The following ZMYND12 variants were observed in gnomAD, a reference collection of about 807,000 sequenced individuals.
The protein encoded by ZMYND12 is zinc finger MYND domain-containing protein 12.
In ZMYND12, 32 loss-of-function variants were observed where a neutral mutation model predicts 41.7. That is an observed-to-expected ratio of 0.77 (90% confidence interval 0.58 to 1.03). The LOEUF (loss-of-function observed/expected upper bound fraction) is 1.03. Among genes scored for constraint, ZMYND12 ranks in the 50% least tolerant of loss-of-function variants. The pLI is 0.00. For synonymous variants in ZMYND12, 148 were observed against 164.8 expected (o/e 0.90, Z 0.78); for missense variants, 424 against 438.5 (o/e 0.97, Z 0.30).
intron 5 of ZMYND12, 74 bp downstream of exon 5, chr1:42,436,347 A>G (rs1274431640): frequency 3.8e-6 from 6 of 1,586,320 alleles, no homozygotes; most frequent in Non-Finnish European, 5.2e-6. Flanking sequence ...TATGTTTTTC[A>G]TGAATAGTCT....
Position 42,450,068 on chromosome 1 carries a change from G to A in ZMYND12, c.111-9C>T, listed in dbSNP as rs1016000745. 3.2e-5 allele frequency: 51 copies of A among 1,612,970 alleles called. No individual in the cohort carries two copies. Among genetic ancestry groups the A allele is most frequent in the African/African-American group, 4.0e-5 (3 of 74,910 alleles). ...TCTGATGTACCACCCCACTGACAAC[G>A]GAAACATAGACTTTATGATCTTTAT... On this transcript the variant is annotated splice_polypyrimidine_tract_variant and intron_variant, in intron 1 of 7. Transcript: ENST00000372565.
intron 3 of ZMYND12, among the ~76,000 whole-genome samples, chr1:42,442,804 T>C (rs983451061): frequency 6.6e-6 from 1 of 152,124 alleles, no homozygotes; most frequent in African/African-American, 2.4e-5. Context: ...GGAAGCAGTC[T>C]ACAAGAAGAA....
At chr1:42,444,974 A>G (rs1279010456) in intron 3 of ZMYND12, among the ~76,000 whole-genome samples, 1 of 150,898 alleles carries the variant, frequency 6.6e-6, no homozygotes, top group African/African-American at 2.4e-5. Flanking sequence ...CGCCCGGCTA[A>G]TTTTTTTGTA....
At chr1:42,451,182 A>G (rs1643080075) in intron 1 of ZMYND12, among the ~76,000 whole-genome samples, 1 of 152,044 alleles carries the variant, frequency 6.6e-6, no homozygotes, top group Admixed American at 6.6e-5. Flanking sequence ...TTGATCTTCT[A>G]TCTAGTTGTT....
At chr1:42,437,769 C>T (rs1418824165) in intron 4 of ZMYND12, among the ~76,000 whole-genome samples, 1 of 152,032 alleles carries the variant, frequency 6.6e-6, no homozygotes, top group Non-Finnish European at 1.5e-5. Context: ...GCAACCTCTG[C>T]CTCCCAGGTT....
At chr1:42,439,543 C>T (rs988711584) in intron 4 of ZMYND12, among the ~76,000 whole-genome samples, 2 of 151,906 alleles carry the variant, frequency 1.3e-5, no homozygotes, top group Non-Finnish European at 2.9e-5. Flanking sequence ...GGATTACAGG[C>T]ATGAGCCACC....
intron 3 of ZMYND12, among the ~76,000 whole-genome samples, chr1:42,446,252 G>A (rs1028251600): frequency 6.6e-6 from 1 of 152,206 alleles, no homozygotes; most frequent in Non-Finnish European, 1.5e-5. Flanking sequence ...AAAGCTGTCA[G>A]CAAAGGGAGT....
intron 2 of ZMYND12, among the ~76,000 whole-genome samples, chr1:42,449,142 T>G (rs1261810795): frequency 6.6e-6 from 1 of 152,216 alleles, no homozygotes; most frequent in African/African-American, 2.4e-5. Flanking sequence ...GATCTTATGT[T>G]TAGAGATTTA....
chr1:42,449,821 G>A (rs1643063825), intron 2 of ZMYND12, 97 bp downstream of exon 2: 1 of 1,460,322 alleles, frequency 6.8e-7, no homozygotes, highest in African/African-American at 1.4e-5. Flanking sequence ...TGCCCTCCGT[G>A]AGGTTACAAT....
At chr1:42,439,513 C>T (rs1642944734) in intron 4 of ZMYND12, among the ~76,000 whole-genome samples, 1 of 152,092 alleles carries the variant, frequency 6.6e-6, no homozygotes, top group African/African-American at 2.4e-5. Flanking sequence ...ATCCACCCAC[C>T]TTGGCCTCCC....
At chr1:42,431,911 GAAAGA>G (rs1375673130) in intron 7 of ZMYND12, among the ~76,000 whole-genome samples, 3 of 151,954 alleles carry the variant, frequency 2.0e-5, no homozygotes, top group Non-Finnish European at 2.9e-5. Flanking sequence ...GTTAGCTGAA[GAAAGA>G]AAAGAAAAGA....
At position 42,433,208 on chromosome 1, in the gene ZMYND12, G is replaced by T; in HGVS notation, c.910C>A (p.Gln304Lys). 6.2e-7 allele frequency: 1 copy of T among 1,611,126 alleles called. No individual in the cohort carries two copies. Among genetic ancestry groups the T allele is most frequent in the South Asian group, 1.1e-5 (1 of 90,486 alleles). Residue 304 changes from glutamine (Q) to lysine (K), a missense_variant, in exon 7 of 8, where the codon CAA (glutamine) becomes AAA (lysine). Gln to Lys is a moderately conservative substitution (Grantham distance 53, BLOSUM62 1). Coordinates refer to ENST00000372565, the MANE Select transcript of ZMYND12 (RefSeq NM_032257.5). ...IRESTSDKAP[Q>K]KTIFVLKILV... is the part of the protein sequence containing the mutation. The stretch of plus-strand genomic sequence containing the variant: ...ATCTTCAGAACAAAGATGGTTTTTT[G>T]GGGGGCTTTGTCAGATGTAGATTCT...
chr1:42,439,704 G>A lies in ZMYND12; in HGVS notation c.594+152C>T, dbSNP rs560005961. The A allele has an allele frequency of 7.2e-6, 6 of 828,296 alleles. No individual in the cohort carries two copies. The South Asian group carries it at 1.1e-4, about 15-fold the overall frequency. 51.3% of individuals were successfully genotyped at this position (828,296 alleles called of 1,614,324 possible). On this transcript the variant is annotated intron_variant, in intron 4 of 7. Transcript: ENST00000372565. ...CTTGAACTCGGGTCGGTAGAATTGTGTTATGGCTAACATCCCACCAAATAA... is the reference window on the plus strand; with the variant it reads ...CTTGAACTCGGGTCGGTAGAATTGTATTATGGCTAACATCCCACCAAATAA...
intron 1 of ZMYND12, among the ~76,000 whole-genome samples, chr1:42,454,846 G>A (rs1643134268): frequency 6.6e-6 from 1 of 151,792 alleles, no homozygotes; most frequent in African/African-American, 2.4e-5. Flanking sequence ...TAGGATTACA[G>A]GTGCACGCCA....
At chr1:42,454,943 A>G (rs1405761643) in intron 1 of ZMYND12, among the ~76,000 whole-genome samples, 1 of 152,210 alleles carries the variant, frequency 6.6e-6, no homozygotes, top group Non-Finnish European at 1.5e-5. Flanking sequence ...ACACTAAGAC[A>G]AAAGTTTTAA....
intron 4 of ZMYND12, among the ~76,000 whole-genome samples, chr1:42,436,753 A>G (rs1642913005): frequency 6.6e-6 from 1 of 152,078 alleles, no homozygotes; most frequent in Non-Finnish European, 1.5e-5. Flanking sequence ...AGGTAAATGC[A>G]AAACAAAGCT....
intron 4 of ZMYND12, among the ~76,000 whole-genome samples, chr1:42,439,647 G>A (rs1297839462): frequency 6.6e-6 from 1 of 152,158 alleles, no homozygotes; most frequent in African/African-American, 2.4e-5. Flanking sequence ...TATGTGACCT[G>A]GCCAAGGTTG....
rs1434669013 is a variant in ZMYND12, at chr1:42,442,516, C to A, written c.425-2491G>T. Among the ~76,000 whole-genome samples, 3 of 152,250 alleles carry A rather than the reference C, an allele frequency of 2.0e-5. No individual in the cohort carries two copies. In the East Asian group the frequency reaches 5.8e-4, roughly 29 times the overall value. ...CTTTATATATACAGAGGCCTGCCTA[C>A]CTGCTTGACTCCTGGGGAAATTTGT... On this transcript the variant is annotated intron_variant, in intron 3 of 7. Coordinates refer to ENST00000372565, the MANE Select transcript of ZMYND12 (RefSeq NM_032257.5).
At chr1:42,441,341 G>A (rs991600694) in intron 3 of ZMYND12, among the ~76,000 whole-genome samples, 2 of 152,114 alleles carry the variant, frequency 1.3e-5, no homozygotes, top group African/African-American at 4.8e-5. Flanking sequence ...TATGTTCATA[G>A]AACTATATAG....
Sources: gnomAD v4.1 joint callset for allele counts (sites outside exome capture counted in the v4.1 genomes callset) on GRCh38, gnomAD v4.1.1 for gene constraint, MANE v1.5 for transcripts, NCBI Gene and HGNC (gene_info 2026-07-23, HGNC 2026-07-21) for gene names.